USP4: variants seen among roughly 807,000 people sequenced by gnomAD.
USP4 encodes the protein ubiquitin carboxyl-terminal hydrolase 4.
Under a neutral mutation model 118.2 loss-of-function variants are expected in USP4, and 72 were observed. The ratio of observed to expected loss-of-function variants is 0.61; its 90% CI spans 0.50 to 0.74. The LOEUF (loss-of-function observed/expected upper bound fraction) is 0.74, where lower values mean the gene tolerates loss of function less well. Among genes scored for constraint, USP4 ranks in the 30% least tolerant of loss-of-function variants. USP4 has a pLI of 0.00. For missense variants in USP4, 1,037 were observed against 1,185.7 expected (o/e 0.87, Z 1.84); for synonymous variants, 415 against 440.4 (o/e 0.94, Z 0.72).
rs1350222485 is a variant in USP4, at chr3:49,277,185, C to T, written c.*1108G>A. On this transcript the variant is annotated 3_prime_UTR_variant, in exon 22 of 22. Transcript: ENST00000265560. ...GTCGGCAGCCACGTCCTTGTCCTCA[C>T]CCGCAGCGCAGTGACGCCGACCCAT... The T allele has an allele frequency of 2.9e-6, 4 of 1,372,478 alleles. No individual in the cohort carries two copies. The highest frequency in any genetic ancestry group is 1.4e-5 in the African/African-American group (1 of 69,042). The allele number at this position is 1,372,478 out of a possible 1,614,324, so 85.0% of individuals were successfully genotyped here.
intron 19 of USP4, among the ~76,000 whole-genome samples, chr3:49,283,127 T>C (rs772035016): frequency 6.8e-6 from 1 of 148,114 alleles, no homozygotes; most frequent in Non-Finnish European, 1.5e-5. Flanking sequence ...GCGATTTTCC[T>C]GCCTCAGCCT....
At chr3:49,321,115 C>T (rs546602500) in intron 6 of USP4, among the ~76,000 whole-genome samples, 5 of 147,388 alleles carry the variant, frequency 3.4e-5, no homozygotes, top group East Asian at 3.9e-4. Context: ...TGACTGCCTA[C>T]GTCAGAAATT....
intron 7 of USP4, 50 bp from the exon 8 acceptor site, chr3:49,310,787 C>A: frequency 6.9e-7 from 1 of 1,446,936 alleles, no homozygotes; most frequent in African/African-American, 1.4e-5. Flanking sequence ...ATAACACATG[C>A]CCTCAAGATG....
chr3:49,280,278 C>T (rs1457720754), intron 20 of USP4, among the ~76,000 whole-genome samples: 1 of 151,162 alleles, frequency 6.6e-6, no homozygotes, highest in Non-Finnish European at 1.5e-5. Flanking sequence ...AAAGAGCAAA[C>T]CAGCCAGGCA....
intron 12 of USP4, 109 bp from the exon 13 acceptor site, chr3:49,298,073 C>T: frequency 1.3e-6 from 1 of 746,558 alleles, no homozygotes; most frequent in Non-Finnish European, 2.2e-6. Context: ...TCAAATGTTG[C>T]CTCTAGAGAA....
At chr3:49,307,792 A>G (rs2047334729) in intron 8 of USP4, among the ~76,000 whole-genome samples, 1 of 152,074 alleles carries the variant, frequency 6.6e-6, no homozygotes, top group Non-Finnish European at 1.5e-5. Context: ...AAAACAAAAC[A>G]AAACAAAACA....
At chr3:49,327,019 A>T (rs1164125191) in intron 3 of USP4, among the ~76,000 whole-genome samples, 1 of 152,156 alleles carries the variant, frequency 6.6e-6, no homozygotes, top group East Asian at 1.9e-4. Flanking sequence ...TTAAGCATAG[A>T]GGGAAAAGCA....
At chr3:49,280,642 A>G (rs1330333084) in intron 20 of USP4, 102 bp downstream of exon 20, 12 of 852,966 alleles carry the variant, frequency 1.4e-5, no homozygotes, top group Non-Finnish European at 1.9e-5. Flanking sequence ...AGCCTGTGAA[A>G]CTGCATAAGC....
At chr3:49,290,243 C>T (rs1031545904) in intron 15 of USP4, among the ~76,000 whole-genome samples, 6 of 152,054 alleles carry the variant, frequency 3.9e-5, no homozygotes, top group African/African-American at 1.2e-4. Flanking sequence ...GGAGACACCC[C>T]GTCTCTACTA....
intron 2 of USP4, among the ~76,000 whole-genome samples, chr3:49,334,842 C>G (rs1211318631): frequency 1.3e-5 from 2 of 152,190 alleles, no homozygotes; most frequent in Non-Finnish European, 2.9e-5. Flanking sequence ...ACACCCATGA[C>G]AGATCACCTC....
chr3:49,308,295 G>A (rs1405221663), intron 8 of USP4, among the ~76,000 whole-genome samples: 1 of 152,034 alleles, frequency 6.6e-6, no homozygotes, highest in Non-Finnish European at 1.5e-5. Flanking sequence ...AGTTCACCTA[G>A]GTAATGAGTC....
At chr3:49,303,644 T>A (rs1431049324) in intron 9 of USP4, among the ~76,000 whole-genome samples, 1 of 152,098 alleles carries the variant, frequency 6.6e-6, no homozygotes. Flanking sequence ...AGTGCAGATA[T>A]ATAACACATC....
At chr3:49,285,768 C>T (rs764673861) in intron 16 of USP4, among the ~76,000 whole-genome samples, 3 of 152,156 alleles carry the variant, frequency 2.0e-5, no homozygotes, top group Admixed American at 6.6e-5. Context: ...AATAAATATG[C>T]GCTTATTCTT....
chr3:49,331,432 C>CCAAAATAGCA (rs1260086980), intron 2 of USP4, among the ~76,000 whole-genome samples: 1 of 151,196 alleles, frequency 6.6e-6, no homozygotes, highest in African/African-American at 2.4e-5. Context: ...ACCAGCCTGG[C>CCAAAATAGCA]CAAAATAGCA....
intron 20 of USP4, chr3:49,279,313 G>A (rs190994732): frequency 6.5e-6 from 1 of 153,454 alleles, no homozygotes; most frequent in East Asian, 1.9e-4. Context: ...ATTGCATCTA[G>A]GCAGGTGGCT....
chr3:49,284,349 G>T, intron 18 of USP4, 117 bp downstream of exon 18: 1 of 1,036,798 alleles, frequency 9.6e-7, no homozygotes, highest in Non-Finnish European at 1.4e-6. Flanking sequence ...TGTAGGGTTA[G>T]CTATATAAAG....
At chr3:49,288,097 CT>C (rs1437980327) in intron 15 of USP4, among the ~76,000 whole-genome samples, 3 of 152,200 alleles carry the variant, frequency 2.0e-5, no homozygotes, top group Non-Finnish European at 4.4e-5. Flanking sequence ...CCCACAACCC[CT>C]GGCTCTCATG....
At chr3:49,336,052 C>T (rs373156775) in intron 1 of USP4, among the ~76,000 whole-genome samples, 1 of 150,874 alleles carries the variant, frequency 6.6e-6, no homozygotes, top group African/African-American at 2.4e-5. Flanking sequence ...TTAGTAGAGA[C>T]GGGGTTTCAC....
chr3:49,317,052 G>A (rs752981991), intron 6 of USP4: 178 of 1,033,766 alleles, frequency 1.7e-4, no homozygotes, highest in African/African-American at 1.6e-4. Flanking sequence ...GTTGAGGGGC[G>A]CACAGAGGCA....
Sources: gnomAD v4.1 joint callset for allele counts (sites outside exome capture counted in the v4.1 genomes callset) on GRCh38, gnomAD v4.1.1 for gene constraint, MANE v1.5 for transcripts, NCBI Gene and HGNC (gene_info 2026-07-23, HGNC 2026-07-21) for gene names.